RAD54L2: variants seen among roughly 807,000 people sequenced by gnomAD.
The protein encoded by RAD54L2 is RAD54 like 2.
RAD54L2 carries 27 observed loss-of-function variants against 138.4 expected under a neutral mutation model. That is an observed-to-expected ratio of 0.20 (90% CI 0.14 to 0.27). RAD54L2 has a LOEUF of 0.27. RAD54L2 is among the 10% of genes least tolerant of loss of function. RAD54L2 has a pLI of 1.00. For synonymous variants in RAD54L2, 644 were observed against 723.2 expected, an observed-to-expected ratio of 0.89 and a Z score of 1.76; for missense variants, 1,396 against 1,890.2, an observed-to-expected ratio of 0.74 and a Z score of 4.85.
At chr3:51,605,624 G>A (rs1228963894) in intron 3 of RAD54L2, among the ~76,000 whole-genome samples, 1 of 151,670 alleles carries the variant, frequency 6.6e-6, no homozygotes, top group Admixed American at 6.6e-5. Flanking sequence ...GGCTAATTTT[G>A]TAGTTTTAGT....
chr3:51,607,941 TC>T (rs1700235998), intron 3 of RAD54L2, among the ~76,000 whole-genome samples: 4 of 136,276 alleles, frequency 2.9e-5, no homozygotes, highest in Admixed American at 7.0e-5. Context: ...GCCCCCCTCC[TC>T]CCGGACGGGG....
At chr3:51,658,886 A>G (rs1701677138) in intron 21 of RAD54L2, among the ~76,000 whole-genome samples, 1 of 152,034 alleles carries the variant, frequency 6.6e-6, no homozygotes, top group Non-Finnish European at 1.5e-5. Flanking sequence ...GCGAGATAAG[A>G]ATGGGTTTAA....
chr3:51,629,499 G>A, intron 5 of RAD54L2, 26 bp downstream of exon 5: 1 of 1,608,422 alleles, frequency 6.2e-7, no homozygotes, highest in Non-Finnish European at 8.5e-7. Context: ...GGCAGGGAAG[G>A]CCCTTTGCTT....
At chr3:51,573,342 C>A (rs1282156425) in intron 2 of RAD54L2, among the ~76,000 whole-genome samples, 2 of 152,064 alleles carry the variant, frequency 1.3e-5, no homozygotes, top group African/African-American at 4.8e-5. Flanking sequence ...CTTAATTAGC[C>A]TTTTTAACCC....
intron 2 of RAD54L2, among the ~76,000 whole-genome samples, chr3:51,583,586 ATTTTTT>A (rs34377858): frequency 7.6e-6 from 1 of 132,054 alleles, no homozygotes; most frequent in East Asian, 2.2e-4. Flanking sequence ...CGCCCAGCTA[ATTTTTT>A]TTTTTTTTTT....
At chr3:51,572,019 C>A (rs1699348099) in intron 2 of RAD54L2, among the ~76,000 whole-genome samples, 1 of 152,098 alleles carries the variant, frequency 6.6e-6, no homozygotes, top group South Asian at 2.1e-4. Context: ...GAAATGTACA[C>A]TTTCTTTCTC....
chr3:51,555,599 A>C (rs1698942133), intron 2 of RAD54L2, among the ~76,000 whole-genome samples: 1 of 152,172 alleles, frequency 6.6e-6, no homozygotes, highest in Admixed American at 6.5e-5. Context: ...CGGAGGTTGC[A>C]ATGAGCAGAA....
At chr3:51,628,103 AG>A (rs1700735911) in intron 4 of RAD54L2, among the ~76,000 whole-genome samples, 1 of 152,190 alleles carries the variant, frequency 6.6e-6, no homozygotes, top group Non-Finnish European at 1.5e-5. Flanking sequence ...GACTTTATAA[AG>A]TTGAGTTCTC....
In RAD54L2 at chr3:51,660,030, G is replaced by C. The variant is rs542728568; in HGVS notation, c.3321G>C (p.Thr1107=). 1 of 1,574,332 alleles carries C rather than the reference G, an allele frequency of 6.4e-7. No homozygotes were observed. The highest frequency in any genetic ancestry group is 1.1e-5 in the South Asian group (1 of 88,094). The stretch of plus-strand genomic sequence containing the variant: ...CTTCTTCGTGTCTATTCTTAGGGAC[G>C]TACATCCGTACCAGTGATGGACGGA... The part of the protein sequence containing the change: ...SIHIIRGTKG[T]YIRTSDGRIF... The change falls in exon 22 of 23, where the codon ACG becomes ACC. Residue 1107 remains threonine (T), a synonymous_variant. Transcript: ENST00000684192.
At chr3:51,557,829 T>TCA (rs1699008398) in intron 2 of RAD54L2, among the ~76,000 whole-genome samples, 1 of 64,684 alleles carries the variant, frequency 1.5e-5, no homozygotes. Flanking sequence ...AAACTCCATC[T>TCA]CAAAAAAAAA....
intron 2 of RAD54L2, among the ~76,000 whole-genome samples, chr3:51,581,136 C>T (rs1422850188): frequency 3.3e-5 from 5 of 152,228 alleles, no homozygotes; most frequent in East Asian, 3.9e-4. Context: ...GAGACTCTGT[C>T]GCCTAGGCTG....
chr3:51,560,483 C>G (rs1041650596), intron 2 of RAD54L2, among the ~76,000 whole-genome samples: 1 of 151,868 alleles, frequency 6.6e-6, no homozygotes, highest in Non-Finnish European at 1.5e-5. Context: ...CCTCAGCCTC[C>G]TGTAGTAGCT....
At chr3:51,545,500 AT>A (rs1698668044) in intron 2 of RAD54L2, among the ~76,000 whole-genome samples, 1 of 152,028 alleles carries the variant, frequency 6.6e-6, no homozygotes, top group Non-Finnish European at 1.5e-5. Flanking sequence ...ACCCTCCTGG[AT>A]CTTGGTAGTA....
Position 51,637,244 on chromosome 3 carries a change from A to G in RAD54L2, c.1423A>G (p.Thr475Ala). 1 of 1,600,298 alleles carries G rather than the reference A, an allele frequency of 6.2e-7. No homozygotes were observed. The highest frequency in any genetic ancestry group is 8.5e-7 in the Non-Finnish European group (1 of 1,173,462). ...GHRIKNCQAS[T>A]SQALKNIRSR... ...CCGCATCAAAAACTGCCAGGCCAGC[A>G]CCTCACAGGCTCTGAAGAATATCCG... Residue 475 changes from threonine to alanine, a missense_variant, in exon 11 of 23, where the codon ACC (threonine) becomes GCC (alanine). Thr to Ala is a moderately conservative substitution (Grantham distance 58, BLOSUM62 0). Transcript: ENST00000684192. The surrounding 1 kb of genome is among the most constrained non-coding windows in gnomAD (Gnocchi z 5.9).
In RAD54L2 at chr3:51,645,976, TG is replaced by T. The variant is rs1701268881; in HGVS notation, c.2829+214del. ...GTCCTGGGAGTGCTAAGGTTAGCCA[TG>T]TATAGTAATTTGGCCAGTGAGTCTT... On this transcript the variant is annotated intron_variant, in intron 18 of 22. Transcript: ENST00000684192. The surrounding 1 kb of genome is among the most constrained non-coding windows in gnomAD (Gnocchi z 6.1). Among the ~76,000 whole-genome samples, 2 of 152,104 alleles carry T rather than the reference TG, an allele frequency of 1.3e-5. No individual in the cohort carries two copies. The highest frequency in any genetic ancestry group is 4.1e-4 in the South Asian group (2 of 4,822).
intron 3 of RAD54L2, among the ~76,000 whole-genome samples, chr3:51,600,823 C>T (rs1275722148): frequency 6.6e-6 from 1 of 151,814 alleles, no homozygotes; most frequent in Non-Finnish European, 1.5e-5. Context: ...AAAAATTAGC[C>T]GAGTGTGGTG....
rs140558858 is a variant in RAD54L2, at chr3:51,656,185, G to T, written c.3226+15G>T. Reference sequence around the variant, plus strand: ...CACCACGACAGGTGGGAACTCCTGGGCTCTGTGGCAGAGCTGCTGTCCCTT... The same window carrying T: ...CACCACGACAGGTGGGAACTCCTGGTCTCTGTGGCAGAGCTGCTGTCCCTT... On this transcript the variant is annotated intron_variant, in intron 20 of 22. Coordinates refer to ENST00000684192, the MANE Select transcript of RAD54L2 (RefSeq NM_015106.4). 412 of 1,582,660 alleles carry T rather than the reference G, an allele frequency of 2.6e-4. 2 individuals carry two copies. The African/African-American group carries it at 5.0e-3, about 19-fold the overall frequency.
intron 2 of RAD54L2, among the ~76,000 whole-genome samples, chr3:51,580,436 T>C (rs1699580835): frequency 6.6e-6 from 1 of 152,156 alleles, no homozygotes; most frequent in South Asian, 2.1e-4. Flanking sequence ...TAGAGCTCAA[T>C]TTCCAGCCCC....
chr3:51,659,858 AT>A (rs1268800313), intron 21 of RAD54L2, among the ~76,000 whole-genome samples, 167 bp from the exon 22 acceptor site: 1 of 152,218 alleles, frequency 6.6e-6, no homozygotes, highest in Non-Finnish European at 1.5e-5. Flanking sequence ...TAAATGAATA[AT>A]TATGAGTCCA....
Sources: allele counts gnomAD v4.1 joint callset (sites outside exome capture counted in the v4.1 genomes callset), GRCh38; gene constraint gnomAD v4.1.1; non-coding constraint Gnocchi (gnomAD v3.1); transcripts MANE v1.5; gene names NCBI Gene and HGNC (gene_info 2026-07-23, HGNC 2026-07-21).